The following IL1RAPL1 variants were observed in gnomAD, a reference collection of about 807,000 sequenced individuals.
IL1RAPL1 encodes the protein interleukin 1 receptor accessory protein like 1, also known as interleukin-1 receptor accessory protein-like 1.
Under a neutral mutation model 48.4 loss-of-function variants are expected in IL1RAPL1, and 3 were observed. The observed-to-expected ratio is 0.06, with a 90% CI of 0.03 to 0.16. IL1RAPL1 has a LOEUF of 0.16. Among genes scored for constraint, IL1RAPL1 ranks in the 10% least tolerant of loss-of-function variants. The probability of loss-of-function intolerance (pLI) is 1.00; values close to 1 mark genes in which losing one functional copy is unlikely to be tolerated. For synonymous variants in IL1RAPL1, 185 were observed against 187.7 expected (o/e 0.99, Z 0.12); for missense variants, 349 against 530.6 (o/e 0.66, Z 3.36).
chrX:28,902,443 C>G (rs1923102488), intron 2 of IL1RAPL1, among the ~76,000 whole-genome samples: 1 of 111,738 alleles, frequency 8.9e-6, no homozygotes, highest in African/African-American at 3.3e-5. Flanking sequence ...ATACCTTACT[C>G]TCAACCCATC....
At chrX:28,802,751 GA>G (rs1208518853) in intron 2 of IL1RAPL1, among the ~76,000 whole-genome samples, 1 of 111,743 alleles carries the variant, frequency 8.9e-6, no homozygotes, top group African/African-American at 3.2e-5. Flanking sequence ...GCAACTATCT[GA>G]AAAGAGGATT....
In IL1RAPL1 at chrX:29,862,428, G is replaced by T. The variant is rs1273969306; in HGVS notation, c.779-55036G>T. Among the ~76,000 whole-genome samples, 4 of 111,363 alleles carry T rather than the reference G, an allele frequency of 3.6e-5. No individual in the cohort carries two copies. The Admixed American group carries it at 3.8e-4, about 11-fold the overall frequency. On this transcript the variant is annotated intron_variant, in intron 6 of 10. Coordinates refer to ENST00000378993, the MANE Select transcript of IL1RAPL1 (RefSeq NM_014271.4). ...TTATAAAAACGTGACGGATGATTTA[G>T]GTGGCTGTATTCAGCTGTAAGCAAT...
chrX:29,324,686 C>T (rs1269807385), intron 3 of IL1RAPL1, among the ~76,000 whole-genome samples: 1 of 111,285 alleles, frequency 9.0e-6, no homozygotes, highest in Non-Finnish European at 1.9e-5. Context: ...TTTCTATGAC[C>T]AGTTTTAGGG....
chrX:29,460,421 G>A (rs958626513), intron 5 of IL1RAPL1, among the ~76,000 whole-genome samples: 4 of 111,952 alleles, frequency 3.6e-5, no homozygotes, highest in Admixed American at 2.9e-4. Context: ...TTTAGCCTGT[G>A]GTTGGGCAAT....
intron 5 of IL1RAPL1, among the ~76,000 whole-genome samples, chrX:29,635,200 C>T (rs966095211): frequency 1.8e-5 from 2 of 110,967 alleles, no homozygotes; most frequent in African/African-American, 6.6e-5. Context: ...AATTAATAAG[C>T]CTGGTTTTCC....
intron 6 of IL1RAPL1, among the ~76,000 whole-genome samples, chrX:29,784,623 T>G (rs1312296210): frequency 9.0e-6 from 1 of 110,973 alleles, no homozygotes; most frequent in Non-Finnish European, 1.9e-5. Flanking sequence ...AATTCAGAAT[T>G]AAAATAAGAT....
chrX:29,423,651 A>G (rs1320736118), intron 5 of IL1RAPL1, among the ~76,000 whole-genome samples: 1 of 111,796 alleles, frequency 8.9e-6, no homozygotes, highest in Non-Finnish European at 1.9e-5. Context: ...TAATGATTAT[A>G]TAAGTTGGGT....
chrX:28,826,806 A>T (rs765249953), intron 2 of IL1RAPL1, among the ~76,000 whole-genome samples: 1 of 111,150 alleles, frequency 9.0e-6, no homozygotes, highest in African/African-American at 3.3e-5. Flanking sequence ...TTGTTATTGC[A>T]GACATGGATG....
intron 2 of IL1RAPL1, among the ~76,000 whole-genome samples, chrX:29,059,827 A>G (rs1927302219): frequency 9.0e-6 from 1 of 111,552 alleles, no homozygotes; most frequent in Non-Finnish European, 1.9e-5. Context: ...ATTATCACCA[A>G]TAGTATTCAT....
chrX:28,791,354 A>G (rs1223574728), intron 2 of IL1RAPL1, among the ~76,000 whole-genome samples: 2 of 111,860 alleles, frequency 1.8e-5, no homozygotes, highest in Admixed American at 9.5e-5. Context: ...TCAAAAATCT[A>G]TATTAAGTGA....
chrX:29,163,720 C>A (rs763651074), intron 2 of IL1RAPL1, among the ~76,000 whole-genome samples: 1 of 110,697 alleles, frequency 9.0e-6, no homozygotes, highest in Admixed American at 9.7e-5. Flanking sequence ...CAAATTAAAA[C>A]GAAGACTAGA....
At chrX:29,893,509 T>C (rs113356062) in intron 6 of IL1RAPL1, among the ~76,000 whole-genome samples, 14,213 of 110,624 alleles carry the variant, frequency 0.13, 871 homozygotes, top group African/African-American at 0.22. Flanking sequence ...GCATCATTGT[T>C]TTAAATCATC....
chrX:29,540,925 A>T (rs1170280496), intron 5 of IL1RAPL1, among the ~76,000 whole-genome samples: 1 of 112,271 alleles, frequency 8.9e-6, no homozygotes, highest in East Asian at 2.8e-4. Context: ...ACAAAAATTG[A>T]CAAGTGGGAC....
intron 5 of IL1RAPL1, among the ~76,000 whole-genome samples, chrX:29,501,000 T>G (rs1470072777): frequency 1.8e-5 from 2 of 111,985 alleles, no homozygotes; most frequent in Non-Finnish European, 3.8e-5. Context: ...TTAACATGGG[T>G]GAAATGATAT....
chrX:29,818,378 G>A (rs1022319357), intron 6 of IL1RAPL1, among the ~76,000 whole-genome samples: 9 of 111,935 alleles, frequency 8.0e-5, no homozygotes, highest in African/African-American at 2.9e-4. Context: ...GAATTCCTTA[G>A]TGGGCAGATA....
At chrX:29,782,100 G>GTCTGTCTATCTA (rs1356117341) in intron 6 of IL1RAPL1, among the ~76,000 whole-genome samples, 63 of 84,006 alleles carry the variant, frequency 7.5e-4, no homozygotes, top group East Asian at 2.0e-3. Flanking sequence ...CTGTCTGTCT[G>GTCTGTCTATCTA]TCTATCTATC....
intron 2 of IL1RAPL1, among the ~76,000 whole-genome samples, chrX:29,000,004 T>G (rs939999765): frequency 9.0e-6 from 1 of 111,519 alleles, no homozygotes; most frequent in Non-Finnish European, 1.9e-5. Flanking sequence ...TGTAAGCCAC[T>G]GGTAATTTTA....
chrX:29,549,149 C>G (rs980314623), intron 5 of IL1RAPL1, among the ~76,000 whole-genome samples: 3 of 111,803 alleles, frequency 2.7e-5, no homozygotes, highest in African/African-American at 9.7e-5. Flanking sequence ...CTGAAGTCAA[C>G]TATAATCTGA....
intron 1 of IL1RAPL1, among the ~76,000 whole-genome samples, chrX:28,692,444 C>G (rs1423872583): frequency 9.0e-6 from 1 of 111,438 alleles, no homozygotes; most frequent in African/African-American, 3.3e-5. Flanking sequence ...TGGGCTATTG[C>G]AATGATCTAT....
Sources: gnomAD v4.1 joint callset for allele counts (sites outside exome capture counted in the v4.1 genomes callset) on GRCh38, gnomAD v4.1.1 for gene constraint, MANE v1.5 for transcripts, NCBI Gene and HGNC (gene_info 2026-07-23, HGNC 2026-07-21) for gene names.